Variants in KIF16B observed in about 807,000 individuals in gnomAD.
KIF16B encodes kinesin-like protein KIF16B.
Under a neutral mutation model 156.3 loss-of-function variants are expected in KIF16B, and 98 were observed. That is an observed-to-expected ratio of 0.63 (90% CI 0.53 to 0.74). The LOEUF (loss-of-function observed/expected upper bound fraction) is 0.74, where lower values mean the gene tolerates loss of function less well. Ranked by LOEUF, KIF16B falls within the 30% of genes least tolerant of loss-of-function variation. The pLI is 0.00. For missense variants in KIF16B, 1,421 were observed against 1,606.5 expected, an observed-to-expected ratio of 0.88 and a Z score of 1.97; for synonymous variants, 564 against 583.7, an observed-to-expected ratio of 0.97 and a Z score of 0.49.
intron 24 of KIF16B, among the ~76,000 whole-genome samples, chr20:16,326,757 C>A (rs1274723414): frequency 5.3e-5 from 8 of 151,998 alleles, no homozygotes; most frequent in African/African-American, 1.9e-4. Flanking sequence ...CTATAGAAAA[C>A]AGTATGGAGA....
At chr20:16,554,102 AAG>A (rs1051340336) in intron 1 of KIF16B, among the ~76,000 whole-genome samples, 1 of 152,172 alleles carries the variant, frequency 6.6e-6, no homozygotes, top group Non-Finnish European at 1.5e-5. Flanking sequence ...CCTGGGTAGA[AAG>A]AAGGAGGTGG....
intron 25 of KIF16B, among the ~76,000 whole-genome samples, chr20:16,301,021 C>T (rs925504864): frequency 4.6e-5 from 7 of 152,210 alleles, no homozygotes; most frequent in African/African-American, 1.7e-4. Context: ...CTGGCAACCA[C>T]TGATCCTTTT....
intron 12 of KIF16B, among the ~76,000 whole-genome samples, chr20:16,454,759 C>T (rs996961790): frequency 6.6e-6 from 1 of 151,956 alleles, no homozygotes; most frequent in Non-Finnish European, 1.5e-5. Context: ...AGGCTTTCAG[C>T]GTAAAGGAAA....
At chr20:16,521,092 AAACCAG>A (rs1366365480) in intron 3 of KIF16B, among the ~76,000 whole-genome samples, 2 of 152,140 alleles carry the variant, frequency 1.3e-5, no homozygotes, top group African/African-American at 2.4e-5. Context: ...AAAATTCCAA[AAACCAG>A]AACGACTCCT....
intron 3 of KIF16B, among the ~76,000 whole-genome samples, chr20:16,520,934 G>A (rs2069326799): frequency 6.6e-6 from 1 of 152,210 alleles, no homozygotes; most frequent in Non-Finnish European, 1.5e-5. Flanking sequence ...CTGCAGCAGA[G>A]GGGCCTGACT....
chr20:16,505,142 G>T (rs1033732820), intron 9 of KIF16B, among the ~76,000 whole-genome samples: 2 of 152,134 alleles, frequency 1.3e-5, no homozygotes, highest in African/African-American at 4.8e-5. Context: ...TGAAGAGAGG[G>T]GAAGGGAAGA....
At chr20:16,421,164 T>C (rs1190599269) in intron 15 of KIF16B, among the ~76,000 whole-genome samples, 2 of 152,258 alleles carry the variant, frequency 1.3e-5, no homozygotes, top group Non-Finnish European at 2.9e-5. Context: ...ATTAACTAAG[T>C]GAAGGCAGAA....
intron 1 of KIF16B, among the ~76,000 whole-genome samples, chr20:16,558,444 T>C (rs760745293): frequency 1.3e-5 from 2 of 152,032 alleles, no homozygotes; most frequent in Non-Finnish European, 2.9e-5. Context: ...CTCCACCCTC[T>C]CCCCTCTTCC....
intron 1 of KIF16B, among the ~76,000 whole-genome samples, chr20:16,548,178 G>A (rs1016956057): frequency 6.6e-6 from 1 of 152,178 alleles, no homozygotes. Context: ...AACTGACCAA[G>A]GCTTTGACAA....
At chr20:16,533,863 C>T (rs913253757) in intron 1 of KIF16B, among the ~76,000 whole-genome samples, 5 of 152,048 alleles carry the variant, frequency 3.3e-5, no homozygotes, top group East Asian at 1.9e-4. Context: ...ACATTAAGAT[C>T]GAGGCCATCT....
At chr20:16,306,178 T>C (rs977068343) in intron 25 of KIF16B, among the ~76,000 whole-genome samples, 1 of 152,218 alleles carries the variant, frequency 6.6e-6, no homozygotes, top group African/African-American at 2.4e-5. Flanking sequence ...TTCCTTGTTG[T>C]GGTAAATCAA....
chr20:16,560,306 G>C (rs1336640059), intron 1 of KIF16B, among the ~76,000 whole-genome samples: 1 of 152,090 alleles, frequency 6.6e-6, no homozygotes, highest in Non-Finnish European at 1.5e-5. Flanking sequence ...TTTCTTGACA[G>C]TTCCCTGGGG....
At chr20:16,423,561 C>G (rs2066277719) in intron 15 of KIF16B, among the ~76,000 whole-genome samples, 1 of 152,026 alleles carries the variant, frequency 6.6e-6, no homozygotes, top group Admixed American at 6.6e-5. Flanking sequence ...TTTTGAAAAC[C>G]AGTACAAGCC....
chr20:16,312,355 C>G lies in KIF16B; in HGVS notation c.3775G>C (p.Glu1259Gln). ...GTTACCTCTAAGTGACTTCGTCTCT[C>G]AGCAATCACACGTTCATCCTTATTT... is the stretch of plus-strand genomic sequence containing the variant. ...FGNKDERVIA[E>Q]RRSHLEKYLR... The change falls in exon 25 of 26, where the codon GAG becomes CAG. Residue 1259 changes from glutamate to glutamine, a missense_variant. Transcript: ENST00000354981. 1 of 1,613,382 alleles carries G rather than the reference C, an allele frequency of 6.2e-7. No homozygotes were observed. Among genetic ancestry groups the G allele is most frequent in the Admixed American group, 1.7e-5 (1 of 60,012 alleles).
At chr20:16,514,528 TC>T (rs1253377977) in intron 4 of KIF16B, among the ~76,000 whole-genome samples, 1 of 134,762 alleles carries the variant, frequency 7.4e-6, no homozygotes, top group Non-Finnish European at 1.5e-5. Context: ...TCTCTACATC[TC>T]AAAAATGCCA....
chr20:16,294,451 TG>T (rs1361482591), intron 25 of KIF16B, among the ~76,000 whole-genome samples: 1 of 152,140 alleles, frequency 6.6e-6, no homozygotes, highest in Non-Finnish European at 1.5e-5. Flanking sequence ...GTCCCCACTG[TG>T]GGTGACTCAG....
chr20:16,505,797 G>A lies in KIF16B; in HGVS notation c.925C>T (p.Pro309Ser), dbSNP rs776431385. 2 of 1,613,620 alleles carry A rather than the reference G, an allele frequency of 1.2e-6. No homozygotes were observed. The highest frequency in any genetic ancestry group is 1.1e-5 in the South Asian group (1 of 91,058). Residue 309 changes from proline (P) to serine (S), a missense_variant, in exon 9 of 26, where the codon CCT (proline) becomes TCT (serine). Pro to Ser is a moderately conservative substitution (Grantham distance 74). Transcript: ENST00000354981. ...CAAGTCAACACAGAATCCCTGTAAG[G>A]CACGAAAACTTGCTTCTTCTTTGCA... ...TLAKKKQVFV[P>S]YRDSVLTWLL...
chr20:16,442,527 T>A (rs570701524), intron 12 of KIF16B, among the ~76,000 whole-genome samples: 1 of 152,144 alleles, frequency 6.6e-6, no homozygotes, highest in South Asian at 2.1e-4. Context: ...GAACTTGTAA[T>A]GGTGTCTTGG....
At chr20:16,359,813 T>C (rs2144886) in intron 22 of KIF16B, among the ~76,000 whole-genome samples, 103,283 of 152,050 alleles carry the variant, frequency 0.68, 36,342 homozygotes, top group East Asian at 0.97. Flanking sequence ...TGGACTAATA[T>C]ATGGCCCTTG....
Sources: gnomAD v4.1 joint callset for allele counts (sites outside exome capture counted in the v4.1 genomes callset) on GRCh38, gnomAD v4.1.1 for gene constraint, MANE v1.5 for transcripts, NCBI Gene and HGNC (gene_info 2026-07-23, HGNC 2026-07-21) for gene names.